Variants in SPATA13 observed in about 807,000 individuals in gnomAD.
SPATA13 encodes spermatogenesis associated 13.
A neutral mutation model predicts 104.0 loss-of-function variants in SPATA13; 50 were observed. The observed-to-expected ratio is 0.48, with a 90% CI of 0.38 to 0.61. The LOEUF is 0.61. Among genes scored for constraint, SPATA13 ranks in the 20% least tolerant of loss-of-function variants. The pLI is 0.00. For synonymous variants in SPATA13, 606 were observed against 667.5 expected, an observed-to-expected ratio of 0.91 and a Z score of 1.42; for missense variants, 1,524 against 1,690.6, an observed-to-expected ratio of 0.90 and a Z score of 1.73.
At chr13:24,025,529 A>G (rs979085440) in intron 3 of SPATA13, among the ~76,000 whole-genome samples, 4 of 152,186 alleles carry the variant, frequency 2.6e-5, no homozygotes, top group African/African-American at 9.7e-5. Context: ...TTCAGCTTTA[A>G]AAAATAATCC....
chr13:24,254,074 T>C (rs562439385), intron 4 of SPATA13, among the ~76,000 whole-genome samples: 42 of 152,216 alleles, frequency 2.8e-4, no homozygotes, highest in African/African-American at 9.6e-4. Context: ...GGCGATTGCA[T>C]TAGTCCATTT....
chr13:24,122,307 A>C (rs552405454), intron 3 of SPATA13: 1 of 1,393,756 alleles, frequency 7.2e-7, no homozygotes, highest in South Asian at 1.2e-5. Flanking sequence ...AACTATTCAA[A>C]CTATCGATTT....
chr13:24,099,985 G>T (rs1880204274), intron 3 of SPATA13, among the ~76,000 whole-genome samples: 1 of 152,142 alleles, frequency 6.6e-6, no homozygotes, highest in Admixed American at 6.5e-5. Context: ...ACTGGCCCAG[G>T]GTCCACGGAG....
chr13:24,038,197 G>C (rs1281804528), intron 3 of SPATA13, among the ~76,000 whole-genome samples: 2 of 152,246 alleles, frequency 1.3e-5, no homozygotes, highest in Non-Finnish European at 1.5e-5. Context: ...ACAGGCATGA[G>C]CCACCGCGCC....
At chr13:24,291,789 G>A (rs1195772849) in intron 9 of SPATA13, among the ~76,000 whole-genome samples, 2 of 125,376 alleles carry the variant, frequency 1.6e-5, no homozygotes, top group Non-Finnish European at 3.6e-5. Flanking sequence ...TCGTTCTGTC[G>A]CCCAGGCCGG....
At chr13:24,007,668 A>G (rs558804562) in intron 2 of SPATA13, among the ~76,000 whole-genome samples, 1 of 152,216 alleles carries the variant, frequency 6.6e-6, no homozygotes, top group Non-Finnish European at 1.5e-5. Context: ...AAAAATGGCT[A>G]TGGTGGCCAG....
Position 24,251,803 on chromosome 13 carries a change from A to G in SPATA13, c.2105A>G (p.Gln702Arg). ...SARFRPFTFS[Q>R]STPIGLDRVG... is the part of the protein sequence containing the mutation. ...CGGTTCCGGCCCTTCACATTCTCCC[A>G]GAGCACCCCCATTGGGTTGGACCGT... The change falls in exon 4 of 13, where the codon CAG (glutamine) becomes CGG (arginine). Residue 702 changes from glutamine to arginine, a missense_variant. Gln to Arg is a conservative substitution (Grantham distance 43, BLOSUM62 1). This residue lies in a region of SPATA13 where 1,089 missense variants were observed against 1,135.9 expected (regional missense o/e 0.96). Transcript: ENST00000382108. 1 of 1,614,096 alleles carries G rather than the reference A, an allele frequency of 6.2e-7. No individual in the cohort carries two copies. Among genetic ancestry groups the G allele is most frequent in the Non-Finnish European group, 8.5e-7 (1 of 1,179,986 alleles).
At chr13:24,231,949 A>G (rs1307889745) in intron 2 of SPATA13, among the ~76,000 whole-genome samples, 1 of 152,174 alleles carries the variant, frequency 6.6e-6, no homozygotes, top group Non-Finnish European at 1.5e-5. Flanking sequence ...ATTTCATTGC[A>G]TTCTTTGTCA....
intron 2 of SPATA13, among the ~76,000 whole-genome samples, chr13:24,232,050 G>T (rs564713591): frequency 1.3e-5 from 2 of 152,160 alleles, no homozygotes; most frequent in African/African-American, 4.8e-5. Context: ...TCCAGAGGAC[G>T]AGAACCAATA....
At chr13:24,127,667 A>C (rs182340540) in intron 3 of SPATA13, among the ~76,000 whole-genome samples, 3 of 152,230 alleles carry the variant, frequency 2.0e-5, no homozygotes, top group African/African-American at 7.2e-5. Flanking sequence ...GTTTTCTCAC[A>C]AAGCATTGGT....
intron 3 of SPATA13, among the ~76,000 whole-genome samples, chr13:24,049,684 G>A (rs1455259049): frequency 1.3e-5 from 2 of 152,016 alleles, no homozygotes; most frequent in Non-Finnish European, 2.9e-5. Flanking sequence ...CTAAAAACAC[G>A]AAACTGATGG....
At chr13:24,032,176 C>T (rs1877505283) in intron 3 of SPATA13, among the ~76,000 whole-genome samples, 1 of 152,172 alleles carries the variant, frequency 6.6e-6, no homozygotes, top group East Asian at 1.9e-4. Flanking sequence ...GCTGGTTCAG[C>T]TACAACCCCA....
At chr13:24,061,065 C>T (rs1446619830) in intron 3 of SPATA13, among the ~76,000 whole-genome samples, 3 of 152,136 alleles carry the variant, frequency 2.0e-5, no homozygotes, top group Non-Finnish European at 2.9e-5. Context: ...GGGCAAATGA[C>T]ATGAACAGAC....
intron 1 of SPATA13, among the ~76,000 whole-genome samples, chr13:24,189,848 T>TA (rs1252581304): frequency 2.1e-4 from 2 of 9,482 alleles, no homozygotes; most frequent in African/African-American, 2.4e-4. Flanking sequence ...TTTAATATAT[T>TA]ATATTAATAT....
intron 1 of SPATA13, among the ~76,000 whole-genome samples, chr13:24,198,951 C>A (rs930497756): frequency 7.1e-6 from 1 of 140,336 alleles, no homozygotes; most frequent in African/African-American, 2.7e-5. Flanking sequence ...ACTATAAAAT[C>A]TTTTTTTTTT....
intron 7 of SPATA13, among the ~76,000 whole-genome samples, chr13:24,288,107 A>G (rs1876090925): frequency 6.6e-6 from 1 of 152,228 alleles, no homozygotes; most frequent in Non-Finnish European, 1.5e-5. Context: ...GGAAGTGCCC[A>G]TGATTATTGA....
At chr13:23,996,142 T>C (rs570745993) in intron 2 of SPATA13, among the ~76,000 whole-genome samples, 4 of 152,254 alleles carry the variant, frequency 2.6e-5, no homozygotes, top group Admixed American at 2.6e-4. Context: ...AGGAACCTAA[T>C]GGGATTATTA....
At chr13:24,154,004 T>C (rs926064049) in intron 3 of SPATA13, among the ~76,000 whole-genome samples, 1 of 152,206 alleles carries the variant, frequency 6.6e-6, no homozygotes, top group Non-Finnish European at 1.5e-5. Context: ...GGAACTATTG[T>C]TATCCCTATT....
At chr13:24,006,067 G>A (rs1876212748) in intron 2 of SPATA13, among the ~76,000 whole-genome samples, 1 of 152,214 alleles carries the variant, frequency 6.6e-6, no homozygotes, top group South Asian at 2.1e-4. Flanking sequence ...TGCCTGCTGT[G>A]TTCCTGCAGT....
Sources: gnomAD v4.1 joint callset for allele counts (sites outside exome capture counted in the v4.1 genomes callset) on GRCh38, gnomAD v4.1.1 for gene constraint, gnomAD v4.1.1 regional missense constraint, MANE v1.5 for transcripts, NCBI Gene and HGNC (gene_info 2026-07-23, HGNC 2026-07-21) for gene names.